MZT1: variants seen among roughly 807,000 people sequenced by gnomAD.
MZT1 encodes the protein mitotic spindle organizing protein 1.
Under a neutral mutation model 8.5 loss-of-function variants are expected in MZT1, and 8 were observed. The ratio of observed to expected loss-of-function variants is 0.94; its 90% confidence interval spans 0.55 to 1.70. The LOEUF is 1.70. Among genes scored for constraint, MZT1 ranks in the 40% most tolerant of loss-of-function variants. The probability of loss-of-function intolerance (pLI) is 0.00; values close to 1 mark genes in which losing one functional copy is unlikely to be tolerated. For missense variants in MZT1, 93 were observed against 108.6 expected (o/e 0.86, Z 0.64); for synonymous variants, 38 against 42.0 (o/e 0.90, Z 0.37).
intron 2 of MZT1, among the ~76,000 whole-genome samples, chr13:72,715,166 A>C (rs1490926658): frequency 6.6e-6 from 1 of 152,216 alleles, no homozygotes; most frequent in Non-Finnish European, 1.5e-5. Flanking sequence ...TGTGTCCTGC[A>C]TGTGGGACAC....
chr13:72,710,047 C>T lies in MZT1; in HGVS notation c.*275G>A. On this transcript the variant is annotated 3_prime_UTR_variant, in exon 3 of 3. Transcript: ENST00000377818. ...GCTTAGAAAATTAAAGCTATCAGAG[C>T]TATAAATAAGGAATACATAAATATG... 1 of 410,260 alleles carries T rather than the reference C, an allele frequency of 2.4e-6. No homozygotes were observed. The highest frequency in any genetic ancestry group is 4.4e-6 in the Non-Finnish European group (1 of 229,006). The allele number at this position is 410,260 out of a possible 1,614,324, so 25.4% of individuals were successfully genotyped here. A position where few individuals can be genotyped will look rare whatever the true frequency, so the allele number is the denominator to read the frequency against.
chr13:72,710,475 A>C, intron 2 of MZT1, 130 bp from the exon 3 acceptor site: 1 of 780,386 alleles, frequency 1.3e-6, no homozygotes, highest in South Asian at 1.6e-5. Context: ...CTTTTATCAC[A>C]GTAATGCAGT....
chr13:72,710,558 A>C (rs1315333536), intron 2 of MZT1, among the ~76,000 whole-genome samples: 2 of 152,150 alleles, frequency 1.3e-5, no homozygotes, highest in Non-Finnish European at 2.9e-5. Context: ...CTAACAGTGG[A>C]AAATAGTTAT....
At chr13:72,724,701 A>AATATAT (rs71198160) in intron 1 of MZT1, among the ~76,000 whole-genome samples, 27 of 32,648 alleles carry the variant, frequency 8.3e-4, no homozygotes, top group African/African-American at 1.4e-3. Flanking sequence ...CTTACTACTA[A>AATATAT]ATATATATAT....
At position 72,718,221 on chromosome 13, in the gene MZT1, T is replaced by C. The variant is rs756246027; in HGVS notation, c.225+731A>G. 6.6e-4 allele frequency among the ~76,000 whole-genome samples: 100 copies of C among 152,344 alleles called. 2 individuals are homozygous for C. Among genetic ancestry groups the C allele is most frequent in the Non-Finnish European group, 7.2e-4 (49 of 68,028 alleles). The stretch of plus-strand genomic sequence containing the variant: ...GCCACAGAAAATCCTTAACTTTCCT[T>C]GGCTATTTGTGTCCAAATTTCTCTT... On this transcript the variant is annotated intron_variant, in intron 2 of 2. Coordinates refer to ENST00000377818, the MANE Select transcript of MZT1 (RefSeq NM_001071775.3).
intron 2 of MZT1, among the ~76,000 whole-genome samples, chr13:72,715,107 C>T (rs2032522155): frequency 6.6e-6 from 1 of 152,326 alleles, no homozygotes; most frequent in South Asian, 2.1e-4. Flanking sequence ...CCTGTAAAGC[C>T]ACAGGGGCAG....
At chr13:72,723,605 C>G (rs2138018521) in intron 1 of MZT1, among the ~76,000 whole-genome samples, 1 of 152,098 alleles carries the variant, frequency 6.6e-6, no homozygotes, top group South Asian at 2.1e-4. Context: ...GACTTGGGTC[C>G]CATCCCCAAG....
chr13:72,727,260 C>T (rs564395857), intron 1 of MZT1, among the ~76,000 whole-genome samples: 6 of 152,280 alleles, frequency 3.9e-5, no homozygotes, highest in Admixed American at 2.6e-4. Flanking sequence ...GGGGGCGCGG[C>T]ATTCGCGCGA....
intron 2 of MZT1, among the ~76,000 whole-genome samples, chr13:72,716,212 G>A (rs187152838): frequency 6.6e-5 from 10 of 152,148 alleles, no homozygotes; most frequent in East Asian, 3.9e-4. Flanking sequence ...TATCATGCCC[G>A]GCAGGTATTT....
intron 2 of MZT1, among the ~76,000 whole-genome samples, chr13:72,712,433 C>T (rs2032497021): frequency 6.6e-6 from 1 of 152,180 alleles, no homozygotes; most frequent in South Asian, 2.1e-4. Context: ...GTATTACAGG[C>T]GTGAGCCAGC....
chr13:72,719,313 C>T (rs939551221), intron 1 of MZT1, among the ~76,000 whole-genome samples: 4 of 152,176 alleles, frequency 2.6e-5, no homozygotes, highest in African/African-American at 9.7e-5. Flanking sequence ...CACATAACTG[C>T]CTTTTACATC....
At chr13:72,713,853 CT>C (rs2032510372) in intron 2 of MZT1, among the ~76,000 whole-genome samples, 1 of 152,184 alleles carries the variant, frequency 6.6e-6, no homozygotes, top group Non-Finnish European at 1.5e-5. Context: ...GTAGTTATCA[CT>C]GTTATAATGA....
intron 1 of MZT1, among the ~76,000 whole-genome samples, chr13:72,720,992 T>C (rs2032587998): frequency 1.3e-5 from 2 of 152,192 alleles, no homozygotes; most frequent in South Asian, 2.1e-4. Flanking sequence ...GGAGTATAGT[T>C]CTGATGCCCT....
At chr13:72,711,329 T>G (rs2032487091) in intron 2 of MZT1, among the ~76,000 whole-genome samples, 1 of 152,168 alleles carries the variant, frequency 6.6e-6, no homozygotes, top group Admixed American at 6.5e-5. Context: ...GTGGGAGATA[T>G]GTATAAAGTG....
chr13:72,718,711 C>A (rs1381525886), intron 2 of MZT1, among the ~76,000 whole-genome samples: 2 of 151,946 alleles, frequency 1.3e-5, no homozygotes. Context: ...GATCTCCTGA[C>A]CTCATGATCC....
chr13:72,713,014 C>T (rs537479963), intron 2 of MZT1, among the ~76,000 whole-genome samples: 1 of 152,076 alleles, frequency 6.6e-6, no homozygotes, highest in Non-Finnish European at 1.5e-5. Context: ...AGGGAATGTG[C>T]CCATGCTAAA....
Position 72,727,616 on chromosome 13 carries a change from G to T in MZT1, c.-14C>A. On this transcript the variant is annotated 5_prime_UTR_variant, in exon 1 of 3. Transcript: ENST00000377818. ...GCTACTCGCCATGGCTAAGGCCGAG[G>T]GAGGCGGGAGAAGGGCCTGACCCGG... The T allele has an allele frequency of 6.3e-7, 1 of 1,580,712 alleles. No homozygotes were observed. Among genetic ancestry groups the T allele is most frequent in the East Asian group, 2.3e-5 (1 of 42,946 alleles).
intron 2 of MZT1, among the ~76,000 whole-genome samples, chr13:72,715,962 G>A (rs1311760791): frequency 6.6e-6 from 1 of 151,962 alleles, no homozygotes; most frequent in Admixed American, 6.6e-5. Flanking sequence ...TGTTGCCCAG[G>A]CTAGAGTACA....
chr13:72,713,246 T>C (rs569603384), intron 2 of MZT1, among the ~76,000 whole-genome samples: 2 of 152,316 alleles, frequency 1.3e-5, no homozygotes, highest in African/African-American at 4.8e-5. Flanking sequence ...AAACTACTAA[T>C]AGTAGCATAG....
Sources: gnomAD v4.1 joint callset for allele counts (sites outside exome capture counted in the v4.1 genomes callset) on GRCh38, gnomAD v4.1.1 for gene constraint, MANE v1.5 for transcripts, NCBI Gene and HGNC (gene_info 2026-07-23, HGNC 2026-07-21) for gene names.